TBC1D32: variants seen among roughly 807,000 people sequenced by gnomAD.
The protein encoded by TBC1D32 is TBC1 domain family member 32.
TBC1D32 carries 151 observed loss-of-function variants against 170.3 expected under a neutral mutation model. The ratio of observed to expected loss-of-function variants is 0.89; its 90% confidence interval spans 0.78 to 1.01. TBC1D32 has a LOEUF of 1.01. TBC1D32 is among the 50% of genes least tolerant of loss of function. TBC1D32 has a pLI of 0.00. For missense variants in TBC1D32, 1,464 were observed against 1,457.1 expected, an observed-to-expected ratio of 1.00 and a Z score of -0.08; for synonymous variants, 498 against 488.0, an observed-to-expected ratio of 1.02 and a Z score of -0.27.
chr6:121,160,087 G>A lies in TBC1D32; in HGVS notation c.2696C>T (p.Pro899Leu). The part of the protein sequence containing the change: ...RLLEKSDNPY[P>L]WPMFSSYPLP... ...TGGATATGATGAAAACATTGGCCAA[G>A]GATATGGATTATCACTCTAAAAAAG... The change falls in exon 24 of 32, where the codon CCT becomes CTT. Residue 899 changes from proline to leucine, a missense_variant. Pro to Leu is a moderately conservative substitution (Grantham distance 98, BLOSUM62 -3). Transcript: ENST00000398212. 1 of 1,602,012 alleles carries A rather than the reference G, an allele frequency of 6.2e-7. No individual in the cohort carries two copies. Among genetic ancestry groups the A allele is most frequent in the Non-Finnish European group, 8.5e-7 (1 of 1,170,842 alleles).
chr6:121,245,934 C>T (rs1797536572), intron 17 of TBC1D32, among the ~76,000 whole-genome samples: 1 of 152,098 alleles, frequency 6.6e-6, no homozygotes, highest in African/African-American at 2.4e-5. Context: ...ACCCTTTGCC[C>T]TAATAAAACC....
Position 121,321,703 on chromosome 6 carries a change from TC to T in TBC1D32, c.246del (p.Asn83IlefsTer28), listed in dbSNP as rs1809740199. On this transcript the variant is annotated frameshift_variant, in exon 2 of 32. Transcript: ENST00000398212. LOFTEE classifies it high-confidence loss of function. ...TCATAGCCGCATTCTTCACCCTGAT[TC>T]CGATCAGATGTGCATTTTTCCATTT... ...EEEMEKCTSD[R>X]NQGEECGYDT... 2 of 1,614,006 alleles carry T rather than the reference TC, an allele frequency of 1.2e-6. No homozygotes were observed. The highest frequency in any genetic ancestry group is 1.7e-6 in the Non-Finnish European group (2 of 1,179,992).
At chr6:121,288,907 T>C (rs1340697894) in intron 12 of TBC1D32, among the ~76,000 whole-genome samples, 8 of 152,122 alleles carry the variant, frequency 5.3e-5, no homozygotes, top group African/African-American at 1.9e-4. Context: ...AAAAACCATA[T>C]GATTATCTCA....
At chr6:121,258,128 T>C (rs1799286266) in intron 15 of TBC1D32, among the ~76,000 whole-genome samples, 1 of 152,190 alleles carries the variant, frequency 6.6e-6, no homozygotes, top group African/African-American at 2.4e-5. Context: ...CTTTTTCTCT[T>C]ATATTAAAAA....
chr6:121,112,548 A>G lies in TBC1D32; in HGVS notation c.3281T>C (p.Leu1094Pro). The G allele has an allele frequency of 6.2e-7, 1 of 1,610,990 alleles. No homozygotes were observed. Among genetic ancestry groups the G allele is most frequent in the African/African-American group, 1.3e-5 (1 of 74,986 alleles). Reference protein sequence around the residue: ...TFQFLHQFSRLLTSAFLWLPR... With the variant: ...TFQFLHQFSRPLTSAFLWLPR... ...CAACCAAAGAAAAGCAGAAGTCAGA[A>G]GCCTGGAGAATTGATGAAGAAATTG... is the stretch of plus-strand genomic sequence containing the variant. The change falls in exon 29 of 32, where the codon CTT becomes CCT. Residue 1094 changes from leucine (L) to proline (P), a missense_variant. By Grantham distance (98) the Leu-to-Pro change is moderately conservative. This residue lies in a region of TBC1D32 where 1,363 missense variants were observed against 1,338.1 expected (regional missense o/e 1.02). Transcript: ENST00000398212.
intron 3 of TBC1D32, among the ~76,000 whole-genome samples, chr6:121,316,960 A>G (rs1583723623): frequency 1.3e-5 from 2 of 152,142 alleles, no homozygotes; most frequent in South Asian, 2.1e-4. Flanking sequence ...ATTAGGGCCA[A>G]TCCAGCCACT....
intron 26 of TBC1D32, among the ~76,000 whole-genome samples, chr6:121,122,443 C>A (rs1780365393): frequency 6.6e-6 from 1 of 151,914 alleles, no homozygotes. Flanking sequence ...CCACCAATTC[C>A]TCTCCTTTAC....
intron 12 of TBC1D32, among the ~76,000 whole-genome samples, chr6:121,289,846 A>AT (rs1804541850): frequency 6.6e-6 from 1 of 152,170 alleles, no homozygotes; most frequent in Non-Finnish European, 1.5e-5. Flanking sequence ...ATAATGCCGC[A>AT]TATCTACAAC....
At position 121,080,625 on chromosome 6, in the gene TBC1D32, CTACT is replaced by C. The variant is rs1423776297; in HGVS notation, c.*142_*145del. 4.5e-5 allele frequency: 46 copies of C among 1,018,922 alleles called. No homozygotes were observed. The highest frequency in any genetic ancestry group is 3.8e-4 in the South Asian group (17 of 44,928). The allele number at this position is 1,018,922 out of a possible 1,614,324, so 63.1% of individuals were successfully genotyped here. A position where few individuals can be genotyped will look rare whatever the true frequency, so the allele number is the denominator to read the frequency against. On this transcript the variant is annotated 3_prime_UTR_variant, in exon 32 of 32. Transcript: ENST00000398212. Reference sequence around the variant, plus strand: ...ATGAATTCACAAATTGAGCTCATACCTACTTAAATATATCGTTATACTTCTCAGT... The same window carrying C: ...ATGAATTCACAAATTGAGCTCATACCTAAATATATCGTTATACTTCTCAGT...
intron 15 of TBC1D32, among the ~76,000 whole-genome samples, chr6:121,270,729 G>C (rs1485591565): frequency 1.3e-5 from 2 of 152,060 alleles, no homozygotes; most frequent in East Asian, 3.9e-4. Flanking sequence ...CCAATCAATA[G>C]AAAAAGAGGG....
At chr6:121,286,918 G>A (rs1803945483) in intron 12 of TBC1D32, among the ~76,000 whole-genome samples, 1 of 152,098 alleles carries the variant, frequency 6.6e-6, no homozygotes, top group Admixed American at 6.6e-5. Context: ...CAAAAGTGAA[G>A]GAGAAATAAA....
chr6:121,272,284 G>A (rs548165803), intron 15 of TBC1D32, among the ~76,000 whole-genome samples: 2 of 152,108 alleles, frequency 1.3e-5, no homozygotes, highest in African/African-American at 4.8e-5. Context: ...AGGAGCTTCT[G>A]CACAGCAAAA....
intron 1 of TBC1D32, among the ~76,000 whole-genome samples, chr6:121,331,732 C>A (rs1055849106): frequency 2.6e-5 from 4 of 152,090 alleles, no homozygotes; most frequent in African/African-American, 9.7e-5. Flanking sequence ...AATATGAGCA[C>A]CTGAAATAAC....
At chr6:121,204,888 A>C (rs1393485217) in intron 22 of TBC1D32, among the ~76,000 whole-genome samples, 187 bp downstream of exon 22, 6 of 152,162 alleles carry the variant, frequency 3.9e-5, no homozygotes, top group African/African-American at 1.4e-4. Flanking sequence ...ATTCAGACAA[A>C]GGCCATGGTA....
chr6:121,302,678 A>G (rs1806670535), intron 9 of TBC1D32, among the ~76,000 whole-genome samples: 1 of 152,158 alleles, frequency 6.6e-6, no homozygotes, highest in African/African-American at 2.4e-5. Context: ...CATATTTTGC[A>G]TATTTTCTCA....
intron 22 of TBC1D32, among the ~76,000 whole-genome samples, chr6:121,192,222 T>A (rs1790174200): frequency 6.6e-6 from 1 of 151,788 alleles, no homozygotes; most frequent in African/African-American, 2.4e-5. Flanking sequence ...TATGTTCAGA[T>A]CCAAAAATGC....
intron 21 of TBC1D32, among the ~76,000 whole-genome samples, chr6:121,205,523 T>C (rs899052537): frequency 6.6e-6 from 1 of 152,164 alleles, no homozygotes; most frequent in Non-Finnish European, 1.5e-5. Context: ...TTGCCAAAAA[T>C]GTAAACTACT....
chr6:121,267,598 T>C (rs1800711943), intron 15 of TBC1D32, among the ~76,000 whole-genome samples: 1 of 152,064 alleles, frequency 6.6e-6, no homozygotes, highest in Non-Finnish European at 1.5e-5. Flanking sequence ...GAGGCTTCAG[T>C]AGATAAACAA....
intron 21 of TBC1D32, among the ~76,000 whole-genome samples, chr6:121,222,191 C>CT (rs11453024): frequency 0.88 from 134,421 of 152,168 alleles, 59,830 homozygotes; most frequent in East Asian, 0.98. Flanking sequence ...AAGCAATAAA[C>CT]TTTTTTAGAC....
Sources: gnomAD v4.1 joint callset for allele counts (sites outside exome capture counted in the v4.1 genomes callset) on GRCh38, gnomAD v4.1.1 for gene constraint, gnomAD v4.1.1 regional missense constraint, MANE v1.5 for transcripts, NCBI Gene and HGNC (gene_info 2026-07-23, HGNC 2026-07-21) for gene names.